Variants in NNT observed in about 807,000 individuals in gnomAD.
The protein encoded by NNT is NAD(P) transhydrogenase, mitochondrial.
A neutral mutation model predicts 104.8 loss-of-function variants in NNT; 50 were observed. The observed-to-expected ratio is 0.48, with a 90% CI of 0.38 to 0.60. The LOEUF (loss-of-function observed/expected upper bound fraction) is 0.60, where lower values mean the gene tolerates loss of function less well. NNT is among the 20% of genes least tolerant of loss of function. The pLI is 0.00. For synonymous variants in NNT, 461 were observed against 490.4 expected (o/e 0.94, Z 0.79); for missense variants, 1,131 against 1,330.7 (o/e 0.85, Z 2.33).
intron 17 of NNT, among the ~76,000 whole-genome samples, chr5:43,660,334 A>G (rs563303657): frequency 2.6e-5 from 4 of 152,348 alleles, no homozygotes; most frequent in African/African-American, 7.2e-5. Flanking sequence ...GAAAAAAGTA[A>G]CAACACTAAT....
intron 7 of NNT, among the ~76,000 whole-genome samples, chr5:43,643,946 G>T (rs1434550950): frequency 6.6e-6 from 1 of 152,170 alleles, no homozygotes. Context: ...CTCATGCTGA[G>T]CAGATGGCAG....
intron 2 of NNT, among the ~76,000 whole-genome samples, chr5:43,612,170 A>C (rs891919149): frequency 3.3e-5 from 5 of 152,034 alleles, no homozygotes; most frequent in Non-Finnish European, 5.9e-5. Flanking sequence ...TAATATTTGC[A>C]CTGATCTACT....
chr5:43,640,622 C>T (rs764007949), intron 7 of NNT, among the ~76,000 whole-genome samples: 1 of 151,874 alleles, frequency 6.6e-6, no homozygotes, highest in Non-Finnish European at 1.5e-5. Context: ...AAATAAAGAT[C>T]ACCTGTGATC....
At chr5:43,639,179 A>C (rs1751092186) in intron 7 of NNT, among the ~76,000 whole-genome samples, 1 of 152,200 alleles carries the variant, frequency 6.6e-6, no homozygotes, top group Admixed American at 6.6e-5. Context: ...AAAAAACAAA[A>C]AAGCAGAACT....
chr5:43,618,095 G>T (rs1749880440), intron 4 of NNT, among the ~76,000 whole-genome samples: 1 of 152,126 alleles, frequency 6.6e-6, no homozygotes. Flanking sequence ...AATTAGTGTA[G>T]CATGTTAAAA....
upstream of NNT, chr5:43,602,955 C>G (rs1343972302): frequency 6.6e-6 from 1 of 152,628 alleles, no homozygotes; most frequent in Non-Finnish European, 1.5e-5. Flanking sequence ...CAGGCCGAGG[C>G]AGAGACAAAG....
chr5:43,656,722 G>A lies in NNT; in HGVS notation c.2363G>A (p.Ser788Asn), dbSNP rs1238462155. ...CTCAATGCAGGCTTACTGGCTGCTA[G>A]TGTGGGCGGGATAATCCCATTCATG... ...HLLNAGLLAA[S>N]VGGIIPFMVD... Residue 788 changes from serine (S) to asparagine (N), a missense_variant, in exon 16 of 22, where the codon AGT (serine) becomes AAT (asparagine). Transcript: ENST00000344920. 8 of 1,614,182 alleles carry A rather than the reference G, an allele frequency of 5.0e-6. No homozygotes were observed. Among genetic ancestry groups the A allele is most frequent in the Non-Finnish European group, 5.1e-6 (6 of 1,180,018 alleles).
chr5:43,633,181 A>G (rs1350079018), intron 7 of NNT, among the ~76,000 whole-genome samples: 1 of 152,230 alleles, frequency 6.6e-6, no homozygotes, highest in African/African-American at 2.4e-5. Flanking sequence ...CAGCATCATT[A>G]GATGAAACAA....
In NNT at chr5:43,702,629, T is replaced by G; in HGVS notation, c.3004T>G (p.Leu1002Val). ...EINHDFPDTD[L>V]VLVIGANDTV... is the part of the protein sequence containing the mutation. The stretch of plus-strand genomic sequence containing the variant: ...TTTGTTTTATTATATAGATACTGAT[T>G]TGGTCCTTGTAATTGGAGCTAATGA... Residue 1002 changes from leucine to valine, a missense_variant, in exon 21 of 22, where the codon TTG becomes GTG. Transcript: ENST00000344920. 2.7e-5 allele frequency: 44 copies of G among 1,605,892 alleles called. No homozygotes were observed. The highest frequency in any genetic ancestry group is 3.7e-5 in the Non-Finnish European group (44 of 1,174,936).
chr5:43,652,982 T>A, intron 13 of NNT, 36 bp from the exon 14 acceptor site: 1 of 1,547,120 alleles, frequency 6.5e-7, no homozygotes, highest in Non-Finnish European at 8.8e-7. Context: ...AGACCAAAGG[T>A]TTTAATAATC....
At position 43,706,638 on chromosome 5, in the gene NNT, T is replaced by G. The variant is rs1029455819; in HGVS notation, c.*2234T>G. ...ATTACTGGGTATATACCCAAAGGAT[T>G]ATAAATCATGCTGCTATAAAGACAC... On this transcript the variant is annotated 3_prime_UTR_variant, in exon 22 of 22. Coordinates refer to ENST00000344920, the MANE Select transcript of NNT (RefSeq NM_182977.3). 6.6e-6 allele frequency: 1 copy of G among 152,220 alleles called. No homozygotes were observed. The highest frequency in any genetic ancestry group is 1.9e-4 in the East Asian group (1 of 5,198). 9.4% of individuals were successfully genotyped at this position (152,220 alleles called of 1,614,324 possible). A position where few individuals can be genotyped will look rare whatever the true frequency, so the allele number is the denominator to read the frequency against.
At position 43,698,101 on chromosome 5, in the gene NNT, T is replaced by C. The variant is rs568091554; in HGVS notation, c.2877-2018T>C. 9.6e-3 allele frequency among the ~76,000 whole-genome samples: 1,455 copies of C among 151,266 alleles called. 17 individuals are homozygous for C. The highest frequency in any genetic ancestry group is 0.034 in the African/African-American group (1,398 of 41,032). ...ATATATACACACACACACACACACATATACATACATATACACACATATAAC... is the reference window on the plus strand; with the variant it reads ...ATATATACACACACACACACACACACATACATACATATACACACATATAAC... On this transcript the variant is annotated intron_variant, in intron 19 of 21. Coordinates refer to ENST00000344920, the MANE Select transcript of NNT (RefSeq NM_182977.3).
intron 7 of NNT, among the ~76,000 whole-genome samples, chr5:43,636,097 GTC>G (rs1750916620): frequency 6.6e-6 from 1 of 152,142 alleles, no homozygotes; most frequent in African/African-American, 2.4e-5. Flanking sequence ...CAGCTGATTT[GTC>G]TCTCTGAATA....
At chr5:43,676,660 C>T (rs1350671096) in intron 18 of NNT, among the ~76,000 whole-genome samples, 1 of 152,124 alleles carries the variant, frequency 6.6e-6, no homozygotes, top group African/African-American at 2.4e-5. Flanking sequence ...TTGAGCAATG[C>T]TGTTCTGGAG....
intron 7 of NNT, among the ~76,000 whole-genome samples, chr5:43,637,838 A>T (rs1394909552): frequency 1.3e-5 from 2 of 152,122 alleles, no homozygotes; most frequent in African/African-American, 4.8e-5. Context: ...GGGCAATGAG[A>T]TGCACCTCGG....
intron 19 of NNT, among the ~76,000 whole-genome samples, chr5:43,688,178 A>T (rs910335234): frequency 9.9e-5 from 15 of 152,234 alleles, no homozygotes; most frequent in African/African-American, 2.9e-4. Context: ...TGTAGATTTG[A>T]TGAAGGTGAG....
intron 1 of NNT, among the ~76,000 whole-genome samples, chr5:43,607,337 A>G (rs1031988558): frequency 5.9e-5 from 9 of 152,176 alleles, no homozygotes; most frequent in African/African-American, 2.2e-4. Context: ...TAACTGATCA[A>G]TTGACCTTGT....
chr5:43,676,832 T>A (rs1385594124), intron 18 of NNT, among the ~76,000 whole-genome samples: 3 of 152,090 alleles, frequency 2.0e-5, no homozygotes, highest in African/African-American at 7.2e-5. Flanking sequence ...CTATGAAGGT[T>A]TGTAGGGAGG....
At chr5:43,684,109 G>A (rs1431218951) in intron 19 of NNT, among the ~76,000 whole-genome samples, 1 of 152,114 alleles carries the variant, frequency 6.6e-6, no homozygotes, top group East Asian at 1.9e-4. Flanking sequence ...TGGAAAATGT[G>A]ACTGTAGCCT....
Sources: allele counts gnomAD v4.1 joint callset (sites outside exome capture counted in the v4.1 genomes callset), GRCh38; gene constraint gnomAD v4.1.1; transcripts MANE v1.5; gene names NCBI Gene and HGNC (gene_info 2026-07-23, HGNC 2026-07-21).